Variants in NDUFAF6 observed in about 807,000 individuals in gnomAD.
The protein encoded by NDUFAF6 is NADH:ubiquinone oxidoreductase complex assembly factor 6.
Under a neutral mutation model 40.8 loss-of-function variants are expected in NDUFAF6, and 45 were observed. The observed-to-expected ratio is 1.10, with a 90% CI of 0.87 to 1.42. The LOEUF (loss-of-function observed/expected upper bound fraction) is 1.42, where lower values mean the gene tolerates loss of function less well. NDUFAF6 is among the 40% of genes most tolerant of loss of function. The pLI is 0.00. For synonymous variants in NDUFAF6, 185 were observed against 155.9 expected, an observed-to-expected ratio of 1.19 and a Z score of -1.39; for missense variants, 435 against 418.5, an observed-to-expected ratio of 1.04 and a Z score of -0.34.
chr8:94,976,194 C>CA (rs34588079), intron 1 of NDUFAF6, among the ~76,000 whole-genome samples: 96,817 of 102,110 alleles, frequency 0.95, 45,967 homozygotes, highest in East Asian at 0.99. Context: ...GACTGTGTCT[C>CA]AAAAAAAAAA....
At chr8:95,040,941 T>G (rs1295251961) in intron 3 of NDUFAF6, 1 of 152,336 alleles carries the variant, frequency 6.6e-6, no homozygotes, top group African/African-American at 2.4e-5. Context: ...AGCTCTTTCC[T>G]ACTGGAGTGT....
intron 1 of NDUFAF6, chr8:95,100,641 G>C (rs920369606): frequency 6.6e-6 from 1 of 152,190 alleles, no homozygotes; most frequent in Non-Finnish European, 1.5e-5. Flanking sequence ...TAGTTCAGAA[G>C]GGGTTGGGAA....
intron 1 of NDUFAF6, chr8:94,896,051 C>A (rs115766460): frequency 0.021 from 3,217 of 153,692 alleles, 38 homozygotes; most frequent in African/African-American, 0.032. Context: ...ACCCCGCAGT[C>A]CCCGCGCAGG....
chr8:95,063,858 A>G (rs1408147454), intron 9 of NDUFAF6, among the ~76,000 whole-genome samples: 2 of 150,806 alleles, frequency 1.3e-5, no homozygotes, highest in South Asian at 2.1e-4. Flanking sequence ...GCTATGTCCT[A>G]TATTTGTTTC....
intron 1 of NDUFAF6, chr8:94,928,996 GTCA>G (rs903629464): frequency 1.3e-5 from 2 of 152,622 alleles, no homozygotes; most frequent in Non-Finnish European, 2.9e-5. Flanking sequence ...GAGGAAATCA[GTCA>G]GAGTGGATGG....
At chr8:95,101,548 T>G (rs1427413868) in intron 2 of NDUFAF6, among the ~76,000 whole-genome samples, 2 of 152,184 alleles carry the variant, frequency 1.3e-5, no homozygotes, top group Non-Finnish European at 2.9e-5. Flanking sequence ...TCTCTGTAAC[T>G]TCCACCCCTT....
downstream of NDUFAF6, among the ~76,000 whole-genome samples, chr8:95,108,153 T>C (rs555297065): frequency 1.3e-5 from 2 of 152,292 alleles, no homozygotes; most frequent in Non-Finnish European, 2.9e-5. Flanking sequence ...GAAAGCAGTA[T>C]GGCAGTTACT....
chr8:95,060,050 G>T (rs947072664), downstream of NDUFAF6, among the ~76,000 whole-genome samples: 10 of 149,666 alleles, frequency 6.7e-5, no homozygotes, highest in Non-Finnish European at 1.5e-4. Context: ...TTAATTACGC[G>T]ACTGGATTAG....
At chr8:94,947,782 G>T (rs996913499) in intron 2 of NDUFAF6, among the ~76,000 whole-genome samples, 1 of 152,202 alleles carries the variant, frequency 6.6e-6, no homozygotes, top group Non-Finnish European at 1.5e-5. Flanking sequence ...GGAAGCAATG[G>T]CAGGAAAGAA....
chr8:95,009,356 G>T (rs1827137231), intron 2 of NDUFAF6, among the ~76,000 whole-genome samples: 1 of 33,814 alleles, frequency 3.0e-5, no homozygotes, highest in South Asian at 1.5e-3. Context: ...AATTGCCTTT[G>T]ATTTGAAAAT....
At chr8:94,968,320 A>G (rs1039790292) in intron 1 of NDUFAF6, among the ~76,000 whole-genome samples, 5 of 152,222 alleles carry the variant, frequency 3.3e-5, no homozygotes, top group African/African-American at 1.2e-4. Context: ...TTACCACAAT[A>G]TTCTAGTCAG....
At chr8:95,034,071 A>G (rs1563808856) in intron 2 of NDUFAF6, 1 of 457,834 alleles carries the variant, frequency 2.2e-6, no homozygotes, top group East Asian at 6.9e-5. Flanking sequence ...AAACATTGCT[A>G]AGAAACCCAC....
intron 1 of NDUFAF6, among the ~76,000 whole-genome samples, chr8:94,906,622 C>G (rs1374773573): frequency 6.6e-6 from 1 of 152,172 alleles, no homozygotes; most frequent in Admixed American, 6.5e-5. Flanking sequence ...AGAATGTTCA[C>G]CTGGGGGACC....
chr8:94,941,532 C>T (rs1036277147), intron 1 of NDUFAF6, among the ~76,000 whole-genome samples: 29 of 152,200 alleles, frequency 1.9e-4, no homozygotes, highest in Non-Finnish European at 2.5e-4. Flanking sequence ...CTACTCTGTA[C>T]TTCTTGTCTA....
chr8:94,987,661 G>A (rs1188778731), intron 2 of NDUFAF6, among the ~76,000 whole-genome samples: 1 of 152,212 alleles, frequency 6.6e-6, no homozygotes, highest in Non-Finnish European at 1.5e-5. Context: ...CTGCTTAGGG[G>A]AACAGGGGTC....
intron 2 of NDUFAF6, among the ~76,000 whole-genome samples, chr8:95,102,188 GTT>G (rs1809671988): frequency 6.6e-6 from 1 of 152,008 alleles, no homozygotes; most frequent in Non-Finnish European, 1.5e-5. Flanking sequence ...AGAGTTGGGG[GTT>G]TCACCATGTT....
chr8:95,039,410 G>A (rs535671090), intron 3 of NDUFAF6, among the ~76,000 whole-genome samples: 7 of 151,114 alleles, frequency 4.6e-5, no homozygotes, highest in South Asian at 2.1e-4. Context: ...CCAAGATTGC[G>A]CCATTGCACT....
intron 2 of NDUFAF6, among the ~76,000 whole-genome samples, chr8:95,019,617 AATATAAGATCAT>A (rs1463765855): frequency 2.0e-5 from 3 of 152,246 alleles, no homozygotes; most frequent in African/African-American, 7.2e-5. Context: ...AAAAATTGGC[AATATAAGATCAT>A]AGTGGAAACC....
At chr8:94,939,954 G>C in intron 1 of NDUFAF6, 1 of 1,614,158 alleles carries the variant, frequency 6.2e-7, no homozygotes, top group Non-Finnish European at 8.5e-7. Flanking sequence ...GACATGCTGG[G>C]ATGTTCAATG....
Sources: allele counts gnomAD v4.1 joint callset (sites outside exome capture counted in the v4.1 genomes callset), GRCh38; gene constraint gnomAD v4.1.1; transcripts MANE v1.5; gene names NCBI Gene and HGNC (gene_info 2026-07-23, HGNC 2026-07-21).